The following DPP6 variants were observed in gnomAD, a reference collection of about 807,000 sequenced individuals.
The protein encoded by DPP6 is A-type potassium channel modulatory protein DPP6.
Under a neutral mutation model 122.6 loss-of-function variants are expected in DPP6, and 69 were observed. The observed-to-expected ratio is 0.56, with a 90% CI of 0.46 to 0.69. DPP6 has a LOEUF of 0.69. Among genes scored for constraint, DPP6 ranks in the 30% least tolerant of loss-of-function variants. The pLI, the probability that DPP6 is intolerant of heterozygous loss-of-function variation, is 0.00. For synonymous variants in DPP6, 418 were observed against 433.1 expected (o/e 0.97, Z 0.43); for missense variants, 928 against 1,116.9 (o/e 0.83, Z 2.41).
intron 1 of DPP6, among the ~76,000 whole-genome samples, chr7:154,313,714 T>TATATATATATATGCATACACACAC (rs1177234778): frequency 5.6e-5 from 1 of 17,786 alleles, no homozygotes; most frequent in Non-Finnish European, 1.2e-4. Context: ...TATATATATA[T>TATATATATATATGCATACACACAC]ACACACACAC....
chr7:154,343,679 C>T (rs1810128520), intron 1 of DPP6, among the ~76,000 whole-genome samples: 1 of 152,242 alleles, frequency 6.6e-6, no homozygotes, highest in Non-Finnish European at 1.5e-5. Context: ...CTCCTGGGTT[C>T]AGGCGATTCT....
chr7:154,268,329 A>G (rs1314471191), intron 1 of DPP6, among the ~76,000 whole-genome samples: 1 of 152,330 alleles, frequency 6.6e-6, no homozygotes, highest in East Asian at 1.9e-4. Flanking sequence ...AGAGAAATGT[A>G]TTGCTCACGG....
chr7:153,957,849 T>A (rs1001024499), intron 1 of DPP6, among the ~76,000 whole-genome samples: 5 of 152,196 alleles, frequency 3.3e-5, no homozygotes. Context: ...TGACTCACTG[T>A]CATTAGTGTA....
At position 154,852,442 on chromosome 7, in the gene DPP6, A is replaced by G. The variant is rs550078310; in HGVS notation, c.1667-1338A>G. The stretch of plus-strand genomic sequence containing the variant: ...CTCTTTCTCCCTGCATCTTCCCACA[A>G]TCCACCTGAGCCAAAGGGACAGGCT... On this transcript the variant is annotated intron_variant, in intron 16 of 25. Transcript: ENST00000377770. Among the ~76,000 whole-genome samples, 6 of 142,094 alleles carry G rather than the reference A, an allele frequency of 4.2e-5. 1 individual carries two copies. Among genetic ancestry groups the G allele is most frequent in the African/African-American group, 1.6e-4 (6 of 37,168 alleles). 93.2% of individuals were successfully genotyped at this position (142,094 alleles called of 152,430 possible).
chr7:154,142,686 C>T (rs564719221), intron 1 of DPP6, among the ~76,000 whole-genome samples: 1 of 152,198 alleles, frequency 6.6e-6, no homozygotes, highest in East Asian at 1.9e-4. Context: ...TCTGCCTATT[C>T]ACATTATTAA....
intron 1 of DPP6, among the ~76,000 whole-genome samples, chr7:154,240,384 TG>T (rs1196546583): frequency 6.6e-6 from 1 of 152,186 alleles, no homozygotes; most frequent in Non-Finnish European, 1.5e-5. Flanking sequence ...TCCCTGACTG[TG>T]CACACTGATT....
At chr7:154,585,269 C>A (rs866087650) in intron 5 of DPP6, among the ~76,000 whole-genome samples, 2 of 152,220 alleles carry the variant, frequency 1.3e-5, no homozygotes, top group Non-Finnish European at 2.9e-5. Flanking sequence ...GCTCTAAAAA[C>A]GTTTTTGCTG....
chr7:153,937,268 C>G (rs1045371353), intron 1 of DPP6, among the ~76,000 whole-genome samples: 1 of 152,180 alleles, frequency 6.6e-6, no homozygotes, highest in Non-Finnish European at 1.5e-5. Flanking sequence ...TAAGATTACG[C>G]TGGCTGATGG....
chr7:154,664,306 T>C (rs2131072670), intron 6 of DPP6, among the ~76,000 whole-genome samples: 1 of 152,392 alleles, frequency 6.6e-6, no homozygotes, highest in South Asian at 2.1e-4. Context: ...AGGCACTGCA[T>C]ATTATTTCCA....
chr7:154,240,806 A>G (rs949832953), intron 1 of DPP6, among the ~76,000 whole-genome samples: 3 of 152,210 alleles, frequency 2.0e-5, no homozygotes, highest in Non-Finnish European at 4.4e-5. Context: ...TCTCCTCGGA[A>G]TATCAACAAT....
At position 154,346,024 on chromosome 7, in the gene DPP6, G is replaced by A. The variant is rs145176842; in HGVS notation, c.244-100190G>A. On this transcript the variant is annotated intron_variant, in intron 1 of 25. Coordinates refer to ENST00000377770, the MANE Select transcript of DPP6 (RefSeq NM_130797.4). The stretch of plus-strand genomic sequence containing the variant: ...AGCCGATTCTTTCTGTTACGTATCA[G>A]CAAATGGATCTTCCCAGAGGGGTAG... Among the ~76,000 whole-genome samples the A allele has an allele frequency of 4.3e-3, 649 of 152,260 alleles. 4 individuals are homozygous for A. The highest frequency in any genetic ancestry group is 0.015 in the African/African-American group (611 of 41,558).
chr7:154,046,404 G>T (rs1244145303), intron 1 of DPP6, among the ~76,000 whole-genome samples: 1 of 152,192 alleles, frequency 6.6e-6, no homozygotes, highest in East Asian at 1.9e-4. Flanking sequence ...CCCTGCAGGG[G>T]GCATGGGGTG....
At chr7:154,410,929 A>G (rs1816543640) in intron 1 of DPP6, among the ~76,000 whole-genome samples, 1 of 152,324 alleles carries the variant, frequency 6.6e-6, no homozygotes, top group African/African-American at 2.4e-5. Context: ...AAAATACATG[A>G]ATTCTTTTAG....
chr7:153,918,378 G>A (rs919246473), intron 1 of DPP6, among the ~76,000 whole-genome samples: 2 of 151,338 alleles, frequency 1.3e-5, no homozygotes, highest in African/African-American at 4.9e-5. Context: ...GATTGAATAC[G>A]TTAGTCAGTT....
chr7:153,834,565 T>G, the DPP6 span, among the ~76,000 whole-genome samples: 1 of 152,202 alleles, frequency 6.6e-6, no homozygotes, highest in Non-Finnish European at 1.5e-5. Flanking sequence ...CATCAGGGAT[T>G]AGCATAGTTG....
chr7:154,257,920 A>T (rs1802758756), intron 1 of DPP6, among the ~76,000 whole-genome samples: 1 of 152,146 alleles, frequency 6.6e-6, no homozygotes, highest in Admixed American at 6.5e-5. Context: ...CATCAGCCAG[A>T]TCCATTTGTT....
intron 6 of DPP6, 151 bp from the exon 7 acceptor site, chr7:154,669,209 T>A: frequency 8.4e-7 from 1 of 1,193,726 alleles, no homozygotes. Flanking sequence ...AAATGAGACA[T>A]ATTACTTAGT....
chr7:154,006,057 C>T (rs1189101216), intron 1 of DPP6, among the ~76,000 whole-genome samples: 1 of 152,068 alleles, frequency 6.6e-6, no homozygotes, highest in Admixed American at 6.5e-5. Flanking sequence ...CTGGAGGAAC[C>T]CAAATCTCAG....
chr7:154,461,223 C>A (rs902156779), intron 2 of DPP6, among the ~76,000 whole-genome samples: 6 of 152,158 alleles, frequency 3.9e-5, no homozygotes, highest in African/African-American at 7.2e-5. Flanking sequence ...CTGAATAGTA[C>A]TCCATTGTGT....
Sources: gnomAD v4.1 joint callset for allele counts (sites outside exome capture counted in the v4.1 genomes callset) on GRCh38, gnomAD v4.1.1 for gene constraint, MANE v1.5 for transcripts, NCBI Gene and HGNC (gene_info 2026-07-23, HGNC 2026-07-21) for gene names.